The following CCSER1 variants were observed in gnomAD, a reference collection of about 807,000 sequenced individuals.
The protein encoded by CCSER1 is coiled-coil serine rich protein 1.
CCSER1 carries 41 observed loss-of-function variants against 82.0 expected under a neutral mutation model. The ratio of observed to expected loss-of-function variants is 0.50; its 90% CI spans 0.39 to 0.65. The LOEUF is 0.65. Ranked by LOEUF, CCSER1 falls within the 30% of genes least tolerant of loss-of-function variation. CCSER1 has a pLI of 0.00. For synonymous variants in CCSER1, 414 were observed against 383.9 expected (o/e 1.08, Z -0.92); for missense variants, 1,119 against 1,064.2 (o/e 1.05, Z -0.72).
At chr4:90,848,956 T>A (rs1763526010) in intron 8 of CCSER1, among the ~76,000 whole-genome samples, 1 of 152,244 alleles carries the variant, frequency 6.6e-6, no homozygotes, top group Non-Finnish European at 1.5e-5. Flanking sequence ...TTTCTGGGGC[T>A]TCGCCTCCCA....
chr4:90,181,338 A>T (rs1310110036), intron 1 of CCSER1, among the ~76,000 whole-genome samples: 1 of 152,212 alleles, frequency 6.6e-6, no homozygotes, highest in Non-Finnish European at 1.5e-5. Context: ...AAAAATTTTC[A>T]CAATATGATA....
At chr4:91,473,787 C>A (rs1474287774) in intron 10 of CCSER1, among the ~76,000 whole-genome samples, 5 of 151,994 alleles carry the variant, frequency 3.3e-5, no homozygotes, top group South Asian at 2.1e-4. Flanking sequence ...CCTGTTATCT[C>A]ATTTGCCTGG....
chr4:90,500,234 G>A (rs187796919), intron 5 of CCSER1, among the ~76,000 whole-genome samples: 9 of 151,678 alleles, frequency 5.9e-5, no homozygotes, highest in African/African-American at 2.2e-4. Context: ...CCAGATAGTT[G>A]ATCTGTGTTT....
intron 10 of CCSER1, among the ~76,000 whole-genome samples, chr4:91,144,960 A>T (rs1010673686): frequency 3.9e-5 from 6 of 152,064 alleles, no homozygotes; most frequent in African/African-American, 1.4e-4. Context: ...TACTCTGTTG[A>T]TGTCTATTAG....
In CCSER1 at chr4:91,309,823, T is replaced by A. The variant is rs1745335855; in HGVS notation, c.2217+223829T>A. On this transcript the variant is annotated intron_variant, in intron 10 of 10. Transcript: ENST00000509176. Reference sequence around the variant, plus strand: ...TGTGAATCTGGATTTGGAAGAATGATACGTTAGTGTATTAGTTTCCCAGGC... The same window carrying A: ...TGTGAATCTGGATTTGGAAGAATGAAACGTTAGTGTATTAGTTTCCCAGGC... Among the ~76,000 whole-genome samples, 2 of 151,970 alleles carry A rather than the reference T, an allele frequency of 1.3e-5. 1 individual carries two copies. Among genetic ancestry groups the A allele is most frequent in the South Asian group, 4.1e-4 (2 of 4,832 alleles).
chr4:91,420,903 G>A lies in CCSER1; in HGVS notation c.2218-177669G>A, dbSNP rs1753648189. 2.0e-5 allele frequency among the ~76,000 whole-genome samples: 3 copies of A among 152,132 alleles called. 1 individual carries two copies. Among genetic ancestry groups the A allele is most frequent in the African/African-American group, 7.2e-5 (3 of 41,406 alleles). ...CAAAAAGGGAAATCCTGCCATTTGTGACAACATGGATAAACCTGGAGGGTA... is the reference window on the plus strand; with the variant it reads ...CAAAAAGGGAAATCCTGCCATTTGTAACAACATGGATAAACCTGGAGGGTA... On this transcript the variant is annotated intron_variant, in intron 10 of 10. Transcript: ENST00000509176.
At chr4:90,177,599 A>G (rs772735061) in intron 1 of CCSER1, among the ~76,000 whole-genome samples, 1 of 152,038 alleles carries the variant, frequency 6.6e-6, no homozygotes, top group Non-Finnish European at 1.5e-5. Flanking sequence ...TTCTTTTTGC[A>G]TGAACCTCCT....
intron 10 of CCSER1, among the ~76,000 whole-genome samples, chr4:91,496,095 C>T (rs80171305): frequency 6.6e-6 from 1 of 151,480 alleles, no homozygotes; most frequent in Non-Finnish European, 1.5e-5. Flanking sequence ...GAGCAGAGTT[C>T]CTGAGAATCT....
intron 1 of CCSER1, among the ~76,000 whole-genome samples, chr4:90,227,799 G>A (rs1327042592): frequency 6.6e-6 from 1 of 152,214 alleles, no homozygotes; most frequent in East Asian, 1.9e-4. Context: ...GCGAGGCATT[G>A]CCTCACTCGG....
chr4:90,947,426 T>A (rs1732387482), intron 9 of CCSER1, among the ~76,000 whole-genome samples: 1 of 152,198 alleles, frequency 6.6e-6, no homozygotes, highest in South Asian at 2.1e-4. Context: ...GCTATCTCAA[T>A]TTTTAACATA....
At chr4:90,527,420 G>A (rs1773928091) in intron 5 of CCSER1, among the ~76,000 whole-genome samples, 1 of 152,214 alleles carries the variant, frequency 6.6e-6, no homozygotes, top group East Asian at 1.9e-4. Context: ...AGTTAGAATA[G>A]CGATCAAAAG....
At chr4:90,920,651 T>C (rs888792257) in intron 8 of CCSER1, among the ~76,000 whole-genome samples, 2 of 151,846 alleles carry the variant, frequency 1.3e-5, no homozygotes, top group African/African-American at 4.8e-5. Context: ...CTCTCCAACA[T>C]ACCATTTCCA....
At chr4:91,104,091 G>A (rs1312035620) in intron 10 of CCSER1, among the ~76,000 whole-genome samples, 2 of 152,106 alleles carry the variant, frequency 1.3e-5, no homozygotes, top group East Asian at 3.9e-4. Flanking sequence ...AGGCTTACTA[G>A]GGTTGGGAAA....
intron 1 of CCSER1, among the ~76,000 whole-genome samples, chr4:90,193,064 C>T (rs778405034): frequency 5.3e-5 from 8 of 152,036 alleles, no homozygotes; most frequent in South Asian, 2.1e-4. Flanking sequence ...CCTACATATC[C>T]GTGGTAGCAA....
intron 10 of CCSER1, among the ~76,000 whole-genome samples, chr4:91,388,794 G>GT (rs1034386713): frequency 7.9e-5 from 12 of 151,364 alleles, no homozygotes; most frequent in Admixed American, 2.0e-4. Flanking sequence ...TTCTAACTTT[G>GT]TTTTTTTTCC....
chr4:91,482,253 T>C, intron 10 of CCSER1, among the ~76,000 whole-genome samples: 2 of 128,516 alleles, frequency 1.6e-5, no homozygotes, highest in Non-Finnish European at 3.2e-5. Flanking sequence ...ATACAAAAAA[T>C]TAGCCGGGCG....
intron 6 of CCSER1, among the ~76,000 whole-genome samples, chr4:90,648,881 C>T (rs1728207962): frequency 6.6e-6 from 1 of 152,132 alleles, no homozygotes; most frequent in African/African-American, 2.4e-5. Context: ...TATGGGGAAC[C>T]TTAGGACTTT....
intron 3 of CCSER1, among the ~76,000 whole-genome samples, chr4:90,336,588 C>T (rs968302236): frequency 2.0e-5 from 3 of 152,074 alleles, no homozygotes; most frequent in Admixed American, 2.0e-4. Context: ...TTATGATTTC[C>T]CTTATCATTA....
chr4:90,414,659 TAGC>T (rs1315870531), intron 4 of CCSER1, among the ~76,000 whole-genome samples: 1 of 152,132 alleles, frequency 6.6e-6, no homozygotes, highest in African/African-American at 2.4e-5. Flanking sequence ...TGCAATATGT[TAGC>T]AGCGAGGTTC....
Sources: gnomAD v4.1 joint callset for allele counts (sites outside exome capture counted in the v4.1 genomes callset) on GRCh38, gnomAD v4.1.1 for gene constraint, MANE v1.5 for transcripts, NCBI Gene and HGNC (gene_info 2026-07-23, HGNC 2026-07-21) for gene names.